The following FAT4 variants were observed in gnomAD, a reference collection of about 807,000 sequenced individuals.
FAT4 encodes the protein protocadherin Fat 4.
FAT4 carries 84 observed loss-of-function variants against 303.9 expected under a neutral mutation model. That is an observed-to-expected ratio of 0.28 (90% CI 0.23 to 0.33). The LOEUF is 0.33. Among genes scored for constraint, FAT4 ranks in the 10% least tolerant of loss-of-function variants. The pLI is 1.00. For synonymous variants in FAT4, 2,307 were observed against 2,298.8 expected (o/e 1.00, Z -0.10); for missense variants, 6,005 against 6,146.8 (o/e 0.98, Z 0.77).
intron 7 of FAT4, among the ~76,000 whole-genome samples, chr4:125,429,971 A>G (rs1218295897): frequency 6.6e-6 from 1 of 152,156 alleles, no homozygotes; most frequent in Non-Finnish European, 1.5e-5. Context: ...CTCTCCACAC[A>G]GTTAAAAGGA....
intron 2 of FAT4, among the ~76,000 whole-genome samples, chr4:125,344,421 C>T (rs1353993994): frequency 6.6e-6 from 1 of 152,170 alleles, no homozygotes; most frequent in African/African-American, 2.4e-5. Context: ...TTATCCATTA[C>T]AGCCAGAGGC....
chr4:125,318,005 G>C lies in FAT4; in HGVS notation c.1594G>C (p.Val532Leu), dbSNP rs772059265. 1 of 1,614,182 alleles carries C rather than the reference G, an allele frequency of 6.2e-7. No homozygotes were observed. The highest frequency in any genetic ancestry group is 8.5e-7 in the Non-Finnish European group (1 of 1,180,020). Reference sequence around the variant, plus strand: ...CCATATCAGTGAACATAGCGGCCTCGTGACCACTGGGTCCTCTGGGGGCCT... The same window carrying C: ...CCATATCAGTGAACATAGCGGCCTCCTGACCACTGGGTCCTCTGGGGGCCT... Reference protein sequence around the residue: ...WFHISEHSGLVTTGSSGGLDR... With the variant: ...WFHISEHSGLLTTGSSGGLDR... Residue 532 changes from valine (V) to leucine (L), a missense_variant, in exon 2 of 18, where the codon GTG becomes CTG. Transcript: ENST00000394329.
intron 12 of FAT4, among the ~76,000 whole-genome samples, chr4:125,475,857 T>G (rs957841641): frequency 5.9e-5 from 9 of 152,130 alleles, no homozygotes; most frequent in Admixed American, 1.3e-4. Flanking sequence ...TCAGACCTAT[T>G]GTGTATTATT....
chr4:125,368,149 T>A (rs1308822120), intron 2 of FAT4, among the ~76,000 whole-genome samples: 1 of 152,142 alleles, frequency 6.6e-6, no homozygotes, highest in East Asian at 1.9e-4. Flanking sequence ...GTTCTTGAAA[T>A]GGCCTTTCAC....
In FAT4 at chr4:125,471,895, C is replaced by CAAAAAAAAAAAAAAAAAAAAAAAA. The variant is rs60730341; in HGVS notation, c.12213+3085_12213+3108dup. 1.2e-4 allele frequency among the ~76,000 whole-genome samples: 7 copies of CAAAAAAAAAAAAAAAAAAAAAAAA among 56,108 alleles called. 1 individual carries two copies. Among genetic ancestry groups the CAAAAAAAAAAAAAAAAAAAAAAAA allele is most frequent in the Non-Finnish European group, 1.8e-4 (6 of 33,098 alleles). 36.8% of individuals were successfully genotyped at this position (56,108 alleles called of 152,430 possible). ...TGAAACCCTGTCTCTACTAAAAATA[C>CAAAAAAAAAAAAAAAAAAAAAAAA]AAAAAAAAAAAAAAAAAAAAAAAAA... On this transcript the variant is annotated intron_variant, in intron 12 of 17. Coordinates refer to ENST00000394329, the MANE Select transcript of FAT4 (RefSeq NM_001291303.3).
rs757269699 is a variant in FAT4, at chr4:125,490,609, C to T, written c.13793C>T (p.Thr4598Ile). ...RENPYLIYDETDIPHNSETIP... is the reference protein window; with the variant it reads ...RENPYLIYDEIDIPHNSETIP... ...AACCCCTACCTTATCTATGATGAAACTGATATTCCTCACAACTCAGAAACC... is the reference window on the plus strand; with the variant it reads ...AACCCCTACCTTATCTATGATGAAATTGATATTCCTCACAACTCAGAAACC... Residue 4598 changes from threonine to isoleucine, a missense_variant, in exon 18 of 18, where the codon ACT becomes ATT. Transcript: ENST00000394329. 4.3e-6 allele frequency: 7 copies of T among 1,614,150 alleles called. No individual in the cohort carries two copies. The highest frequency in any genetic ancestry group is 5.9e-6 in the Non-Finnish European group (7 of 1,180,038).
intron 2 of FAT4, among the ~76,000 whole-genome samples, chr4:125,336,509 G>A (rs920399777): frequency 1.3e-5 from 2 of 151,972 alleles, no homozygotes; most frequent in Admixed American, 1.3e-4. Context: ...AATTGTTAAT[G>A]ACTATTCCAG....
chr4:125,347,918 T>C (rs1253795989), intron 2 of FAT4, among the ~76,000 whole-genome samples: 1 of 151,784 alleles, frequency 6.6e-6, no homozygotes, highest in African/African-American at 2.4e-5. Context: ...CAGTTTATCA[T>C]AATAATCATA....
intron 2 of FAT4, among the ~76,000 whole-genome samples, chr4:125,372,097 A>G (rs748497106): frequency 1.3e-5 from 2 of 152,132 alleles, no homozygotes; most frequent in Non-Finnish European, 2.9e-5. Context: ...CTGTAATCCC[A>G]ACACTTTGGA....
chr4:125,423,644 T>C (rs1006451644), intron 7 of FAT4, among the ~76,000 whole-genome samples: 3 of 152,216 alleles, frequency 2.0e-5, no homozygotes, highest in African/African-American at 7.2e-5. Context: ...GCCAGCATCC[T>C]CCAGACCCTA....
At chr4:125,323,903 A>G (rs1731051259) in intron 2 of FAT4, among the ~76,000 whole-genome samples, 1 of 152,194 alleles carries the variant, frequency 6.6e-6, no homozygotes, top group Non-Finnish European at 1.5e-5. Context: ...AGTCATGCTG[A>G]TCACATTCCA....
In FAT4 at chr4:125,490,615, T is replaced by G; in HGVS notation, c.13799T>G (p.Ile4600Ser). Residue 4600 changes from isoleucine (I) to serine (S), a missense_variant, in exon 18 of 18, where the codon ATT becomes AGT. By Grantham distance (142) the Ile-to-Ser change is moderately radical (BLOSUM62 -2). Transcript: ENST00000394329. ...TACCTTATCTATGATGAAACTGATA[T>G]TCCTCACAACTCAGAAACCATCCCC... ...NPYLIYDETDIPHNSETIPSA... is the reference protein window; with the variant it reads ...NPYLIYDETDSPHNSETIPSA... The G allele has an allele frequency of 6.2e-7, 1 of 1,614,100 alleles. No homozygotes were observed. The highest frequency in any genetic ancestry group is 1.3e-5 in the African/African-American group (1 of 75,008).
chr4:125,441,139 A>G (rs1323374324), intron 8 of FAT4, among the ~76,000 whole-genome samples: 1 of 152,170 alleles, frequency 6.6e-6, no homozygotes, highest in African/African-American at 2.4e-5. Flanking sequence ...TATGCACCAA[A>G]AATTTATTAA....
intron 2 of FAT4, among the ~76,000 whole-genome samples, chr4:125,385,564 G>A (rs1733716162): frequency 6.6e-6 from 1 of 151,854 alleles, no homozygotes; most frequent in South Asian, 2.1e-4. Context: ...GATGTCATAG[G>A]ATACTTTGAA....
chr4:125,357,121 A>G (rs16997841), intron 2 of FAT4, among the ~76,000 whole-genome samples: 2,514 of 152,214 alleles, frequency 0.017, 65 homozygotes, highest in African/African-American at 0.057. Context: ...ATAAAACAAT[A>G]TTCACATGAA....
intron 12 of FAT4, among the ~76,000 whole-genome samples, chr4:125,474,240 G>A (rs1249657397): frequency 6.6e-6 from 1 of 151,822 alleles, no homozygotes; most frequent in African/African-American, 2.4e-5. Context: ...TCTAATTGAG[G>A]CATTTATAAA....
intron 2 of FAT4, among the ~76,000 whole-genome samples, chr4:125,340,719 G>C (rs1731758932): frequency 6.6e-6 from 1 of 152,208 alleles, no homozygotes; most frequent in South Asian, 2.1e-4. Context: ...AGTAGTAGTT[G>C]TGTAGCAGTT....
chr4:125,458,185 T>A (rs998742010), intron 10 of FAT4, among the ~76,000 whole-genome samples: 16 of 152,088 alleles, frequency 1.1e-4, no homozygotes, highest in Non-Finnish European at 1.0e-4. Context: ...TATTACCTTA[T>A]GGAGAAGTTT....
intron 2 of FAT4, among the ~76,000 whole-genome samples, chr4:125,379,362 A>G (rs1415181538): frequency 1.3e-5 from 2 of 151,914 alleles, no homozygotes; most frequent in Non-Finnish European, 1.5e-5. Flanking sequence ...TAACACATTT[A>G]TGAAAATTGC....
Sources: allele counts gnomAD v4.1 joint callset (sites outside exome capture counted in the v4.1 genomes callset), GRCh38; gene constraint gnomAD v4.1.1; transcripts MANE v1.5; gene names NCBI Gene and HGNC (gene_info 2026-07-23, HGNC 2026-07-21).